CBFA2T2: variants seen among roughly 807,000 people sequenced by gnomAD.
The protein encoded by CBFA2T2 is CBFA2/RUNX1 partner transcriptional co-repressor 2, also known as protein CBFA2T2.
CBFA2T2 carries 11 observed loss-of-function variants against 62.2 expected under a neutral mutation model. The observed-to-expected ratio is 0.18, with a 90% CI of 0.11 to 0.29. The LOEUF is 0.29. CBFA2T2 is among the 10% of genes least tolerant of loss of function. The pLI is 1.00. For missense variants in CBFA2T2, 592 were observed against 774.1 expected (o/e 0.76, Z 2.79); for synonymous variants, 295 against 287.5 (o/e 1.03, Z -0.27).
chr20:33,641,647 G>A (rs964416799), intron 10 of CBFA2T2, among the ~76,000 whole-genome samples: 2 of 152,044 alleles, frequency 1.3e-5, no homozygotes, highest in Admixed American at 6.5e-5. Flanking sequence ...GCAATGGTGC[G>A]GTCTCGGCTC....
At chr20:33,604,769 A>G (rs979301538) in intron 1 of CBFA2T2, among the ~76,000 whole-genome samples, 2 of 152,210 alleles carry the variant, frequency 1.3e-5, no homozygotes, top group African/African-American at 4.8e-5. Context: ...GTTGTTGCAC[A>G]CTGTACACAA....
intron 1 of CBFA2T2, among the ~76,000 whole-genome samples, chr20:33,589,271 G>A (rs2014511193): frequency 6.6e-6 from 1 of 152,204 alleles, no homozygotes; most frequent in Admixed American, 6.5e-5. Context: ...AGAGCAGCCA[G>A]TTGCAGAGGG....
At chr20:33,586,997 A>G (rs1040360708) in intron 1 of CBFA2T2, among the ~76,000 whole-genome samples, 3 of 152,078 alleles carry the variant, frequency 2.0e-5, no homozygotes, top group Non-Finnish European at 4.4e-5. Flanking sequence ...GCTGGAGTGC[A>G]ATAGTGTGAT....
chr20:33,575,964 T>G (rs2013806726), intron 1 of CBFA2T2, among the ~76,000 whole-genome samples: 1 of 151,814 alleles, frequency 6.6e-6, no homozygotes, highest in South Asian at 2.1e-4. Flanking sequence ...TTTTAATGTA[T>G]TTTTAGTAGA....
intron 1 of CBFA2T2, among the ~76,000 whole-genome samples, chr20:33,513,896 G>A (rs904846298): frequency 2.0e-5 from 3 of 146,608 alleles, no homozygotes; most frequent in Admixed American, 6.8e-5. Flanking sequence ...TTTTTGTTTT[G>A]TGTTTTTTTT....
intron 1 of CBFA2T2, among the ~76,000 whole-genome samples, chr20:33,519,010 C>T (rs553354660): frequency 5.3e-5 from 8 of 152,036 alleles, no homozygotes; most frequent in South Asian, 2.1e-4. Context: ...TTAGTAGAGA[C>T]GGGCTGTCTC....
intron 1 of CBFA2T2, among the ~76,000 whole-genome samples, chr20:33,507,680 T>C (rs1303263758): frequency 1.3e-5 from 2 of 152,182 alleles, no homozygotes; most frequent in African/African-American, 2.4e-5. Flanking sequence ...TTTTGCATTG[T>C]ATTTCATTGT....
chr20:33,637,688 A>T (rs1455379368), intron 9 of CBFA2T2, among the ~76,000 whole-genome samples: 2 of 146,842 alleles, frequency 1.4e-5, no homozygotes, highest in African/African-American at 5.1e-5. Flanking sequence ...TTTTTTTGAG[A>T]TGGAGTTTCG....
intron 3 of CBFA2T2, among the ~76,000 whole-genome samples, chr20:33,611,793 G>A (rs561292423): frequency 5.0e-4 from 76 of 152,164 alleles, no homozygotes; most frequent in Non-Finnish European, 9.8e-4. Flanking sequence ...GGGATTATAA[G>A]CATGATGTTT....
At chr20:33,557,512 A>G (rs553202132) in intron 1 of CBFA2T2, among the ~76,000 whole-genome samples, 1 of 146,742 alleles carries the variant, frequency 6.8e-6, no homozygotes, top group Non-Finnish European at 1.5e-5. Context: ...TTCTATGTCT[A>G]TATATTTTTT....
chr20:33,518,017 C>T (rs2011634184), intron 1 of CBFA2T2, among the ~76,000 whole-genome samples: 1 of 151,434 alleles, frequency 6.6e-6, no homozygotes, highest in African/African-American at 2.4e-5. Context: ...GGTGCAATCT[C>T]GGCTCACTGC....
At chr20:33,496,715 T>C (rs148927982) in intron 1 of CBFA2T2, among the ~76,000 whole-genome samples, 185 of 152,290 alleles carry the variant, frequency 1.2e-3, no homozygotes, top group African/African-American at 4.1e-3. Flanking sequence ...CTGGCACTTA[T>C]CCATTGGGAT....
At chr20:33,497,999 G>A (rs1377459693) in intron 1 of CBFA2T2, among the ~76,000 whole-genome samples, 1 of 152,110 alleles carries the variant, frequency 6.6e-6, no homozygotes, top group Admixed American at 6.6e-5. Context: ...TGACTTTTGA[G>A]TAAGTTTATC....
intron 1 of CBFA2T2, among the ~76,000 whole-genome samples, chr20:33,583,922 A>ATTTG (rs1295030179): frequency 6.6e-6 from 1 of 151,726 alleles, no homozygotes; most frequent in African/African-American, 2.4e-5. Flanking sequence ...TTATTTATTT[A>ATTTG]TTTATTTATT....
intron 1 of CBFA2T2, among the ~76,000 whole-genome samples, chr20:33,514,122 C>T (rs1280338750): frequency 6.7e-6 from 1 of 149,504 alleles, no homozygotes; most frequent in Non-Finnish European, 1.5e-5. Flanking sequence ...AGGCGGGCCT[C>T]GAACTCCTGA....
intron 1 of CBFA2T2, among the ~76,000 whole-genome samples, chr20:33,568,263 C>G (rs1433603672): frequency 2.6e-5 from 4 of 152,150 alleles, no homozygotes; most frequent in Non-Finnish European, 5.9e-5. Context: ...TTTTCCCAGT[C>G]CCCCAAAAAC....
intron 10 of CBFA2T2, among the ~76,000 whole-genome samples, chr20:33,642,163 T>TGG (rs1890154625): frequency 1.4e-5 from 2 of 146,908 alleles, no homozygotes; most frequent in South Asian, 2.2e-4. Context: ...TGTGTGTGTG[T>TGG]GGATAACAGG....
At chr20:33,516,495 C>T (rs2011601764) in intron 1 of CBFA2T2, among the ~76,000 whole-genome samples, 1 of 152,048 alleles carries the variant, frequency 6.6e-6, no homozygotes. Context: ...AAAACTATAG[C>T]CAGGTGCAGT....
chr20:33,494,266 TATA>T lies in CBFA2T2; in HGVS notation c.34+3966_34+3968del, dbSNP rs1257420736. On this transcript the variant is annotated intron_variant, in intron 1 of 10. Coordinates refer to ENST00000342704, the MANE Select transcript of CBFA2T2 (RefSeq NM_001032999.3). ...GTGTATATATATATATATATATATA[TATA>T]TATATTTTTTTTTTTTTTTTTTTTT... is the stretch of plus-strand genomic sequence containing the variant. Among the ~76,000 whole-genome samples the T allele has an allele frequency of 5.1e-3, 341 of 66,570 alleles. 6 individuals are homozygous for T. The highest frequency in any genetic ancestry group is 0.011 in the South Asian group (18 of 1,680). The allele number at this position is 66,570 out of a possible 152,430, so 43.7% of individuals were successfully genotyped here. A position where few individuals can be genotyped will look rare whatever the true frequency, so the allele number is the denominator to read the frequency against.
Sources: gnomAD v4.1 joint callset for allele counts (sites outside exome capture counted in the v4.1 genomes callset) on GRCh38, gnomAD v4.1.1 for gene constraint, MANE v1.5 for transcripts, NCBI Gene and HGNC (gene_info 2026-07-23, HGNC 2026-07-21) for gene names.